ETV6: variants seen among roughly 807,000 people sequenced by gnomAD.
The protein encoded by ETV6 is ETS variant transcription factor 6.
ETV6 carries 16 observed loss-of-function variants against 51.1 expected under a neutral mutation model. The observed-to-expected ratio is 0.31, with a 90% CI of 0.21 to 0.48. The LOEUF (loss-of-function observed/expected upper bound fraction) is 0.48. Among genes scored for constraint, ETV6 ranks in the 20% least tolerant of loss-of-function variants. The pLI is 0.99. For missense variants in ETV6, 458 were observed against 594.8 expected (o/e 0.77, Z 2.39); for synonymous variants, 240 against 224.1 (o/e 1.07, Z -0.64).
chr12:11,691,997 G>T (rs1191299032), intron 1 of ETV6, among the ~76,000 whole-genome samples: 2 of 152,164 alleles, frequency 1.3e-5, no homozygotes, highest in African/African-American at 4.8e-5. Context: ...CTTCATAGGA[G>T]ACAAGACACT....
At chr12:11,652,813 G>T (rs942816804) in intron 1 of ETV6, among the ~76,000 whole-genome samples, 1 of 152,212 alleles carries the variant, frequency 6.6e-6, no homozygotes, top group Non-Finnish European at 1.5e-5. Flanking sequence ...AATCAGTGAC[G>T]CCTTTGTAAA....
At chr12:11,887,980 T>C (rs1316062227) in intron 7 of ETV6, among the ~76,000 whole-genome samples, 3 of 152,242 alleles carry the variant, frequency 2.0e-5, no homozygotes, top group Admixed American at 1.3e-4. Flanking sequence ...GAAGGGACTG[T>C]TGCCAGAAGT....
At chr12:11,853,626 A>G (rs1946589987) in intron 4 of ETV6, 65 bp downstream of exon 4, 2 of 1,573,108 alleles carry the variant, frequency 1.3e-6, no homozygotes, top group African/African-American at 1.4e-5. Context: ...TTAATTGTTA[A>G]CTTGATAAGC....
chr12:11,829,590 A>T (rs949902506), intron 2 of ETV6, among the ~76,000 whole-genome samples: 1 of 152,232 alleles, frequency 6.6e-6, no homozygotes, highest in Admixed American at 6.5e-5. Flanking sequence ...CTGAGCGGCA[A>T]GCTCTGGGTC....
chr12:11,880,049 AAAG>A (rs1947064357), intron 5 of ETV6, among the ~76,000 whole-genome samples: 1 of 151,336 alleles, frequency 6.6e-6, no homozygotes, highest in African/African-American at 2.4e-5. Flanking sequence ...AAAAAAAAAA[AAAG>A]GAAAAAAAAT....
At position 11,650,003 on chromosome 12, in the gene ETV6, G is replaced by C; in HGVS notation, c.-125G>C. ...TCCAGACCCCCGGGGCGGCTGCCGGGAGAGATGCTGGAAGAAACTTCTTAA... is the reference window on the plus strand; with the variant it reads ...TCCAGACCCCCGGGGCGGCTGCCGGCAGAGATGCTGGAAGAAACTTCTTAA... On this transcript the variant is annotated 5_prime_UTR_variant, in exon 1 of 8. Coordinates refer to ENST00000396373, the MANE Select transcript of ETV6 (RefSeq NM_001987.5). The C allele has an allele frequency of 1.1e-6, 1 of 915,804 alleles. No individual in the cohort carries two copies. The highest frequency in any genetic ancestry group is 1.8e-6 in the Non-Finnish European group (1 of 565,260). 56.7% of individuals were successfully genotyped at this position (915,804 alleles called of 1,614,324 possible).
chr12:11,766,605 C>G lies in ETV6; in HGVS notation c.163+14026C>G, dbSNP rs556974494. On this transcript the variant is annotated intron_variant, in intron 2 of 7. Transcript: ENST00000396373. ...GAGCAGCCGGCAGCCAGGCCGGGAG[C>G]CTGTTTCTTGCTCCCTTGCTTTGTG... Among the ~76,000 whole-genome samples the G allele has an allele frequency of 8.5e-4, 129 of 152,338 alleles. 1 individual carries two copies. Among genetic ancestry groups the G allele is most frequent in the African/African-American group, 2.9e-3 (122 of 41,578 alleles).
chr12:11,814,401 G>T (rs1392751611), intron 2 of ETV6, among the ~76,000 whole-genome samples: 2 of 151,656 alleles, frequency 1.3e-5, no homozygotes, highest in Admixed American at 1.3e-4. Context: ...CAGATCATTC[G>T]ATCTCAAACC....
chr12:11,789,851 C>A (rs1442519377), intron 2 of ETV6, among the ~76,000 whole-genome samples: 1 of 151,904 alleles, frequency 6.6e-6, no homozygotes, highest in Admixed American at 6.5e-5. Context: ...TCCCTGGAAG[C>A]ATTTTTTTAT....
At chr12:11,827,778 T>G (rs960151448) in intron 2 of ETV6, among the ~76,000 whole-genome samples, 1 of 152,186 alleles carries the variant, frequency 6.6e-6, no homozygotes, top group African/African-American at 2.4e-5. Flanking sequence ...CTGGTTACAC[T>G]TTGCACAGGA....
chr12:11,692,036 A>G (rs1410723978), intron 1 of ETV6, among the ~76,000 whole-genome samples: 1 of 152,186 alleles, frequency 6.6e-6, no homozygotes, highest in Non-Finnish European at 1.5e-5. Context: ...GTCTCCTCCA[A>G]AATTCATGTT....
At chr12:11,671,321 C>T (rs559062918) in intron 1 of ETV6, among the ~76,000 whole-genome samples, 32 of 152,144 alleles carry the variant, frequency 2.1e-4, no homozygotes, top group Non-Finnish European at 3.8e-4. Flanking sequence ...CAAGTATCAT[C>T]CTGACAACTA....
At chr12:11,804,670 A>G (rs373661487) in intron 2 of ETV6, among the ~76,000 whole-genome samples, 8 of 152,134 alleles carry the variant, frequency 5.3e-5, no homozygotes, top group Admixed American at 3.3e-4. Context: ...TTCACTCTCC[A>G]TCACCTTTAT....
chr12:11,730,830 C>G (rs1041595617), intron 1 of ETV6, among the ~76,000 whole-genome samples: 21 of 152,158 alleles, frequency 1.4e-4, no homozygotes, highest in Non-Finnish European at 2.1e-4. Flanking sequence ...TTTGCTCTTC[C>G]CTAGAATATT....
chr12:11,835,119 CACTGA>C (rs1946297339), intron 2 of ETV6, among the ~76,000 whole-genome samples: 2 of 152,188 alleles, frequency 1.3e-5, no homozygotes, highest in Non-Finnish European at 2.9e-5. Flanking sequence ...CTGGGTGTGT[CACTGA>C]AGGATATGAC....
chr12:11,796,696 T>A (rs916734105), intron 2 of ETV6, among the ~76,000 whole-genome samples: 6 of 152,118 alleles, frequency 3.9e-5, no homozygotes, highest in African/African-American at 1.4e-4. Flanking sequence ...ACAGGTTTCT[T>A]CTCTATAAAC....
chr12:11,657,998 C>T (rs965806316), intron 1 of ETV6, among the ~76,000 whole-genome samples: 1 of 152,180 alleles, frequency 6.6e-6, no homozygotes, highest in Non-Finnish European at 1.5e-5. Flanking sequence ...TGAACTTGAA[C>T]TTGTTCAAGC....
intron 1 of ETV6, among the ~76,000 whole-genome samples, chr12:11,729,952 C>T (rs920334076): frequency 2.6e-5 from 4 of 152,174 alleles, no homozygotes; most frequent in African/African-American, 9.7e-5. Context: ...TTTAATTTCT[C>T]TCTACCACGC....
At chr12:11,812,501 C>T (rs557911462) in intron 2 of ETV6, among the ~76,000 whole-genome samples, 1 of 152,342 alleles carries the variant, frequency 6.6e-6, no homozygotes, top group African/African-American at 2.4e-5. Context: ...TGCTTTCCTT[C>T]CTCTCACTCC....
Sources: gnomAD v4.1 joint callset for allele counts (sites outside exome capture counted in the v4.1 genomes callset) on GRCh38, gnomAD v4.1.1 for gene constraint, MANE v1.5 for transcripts, NCBI Gene and HGNC (gene_info 2026-07-23, HGNC 2026-07-21) for gene names.